Variants in ASNS observed in about 807,000 individuals in gnomAD.
ASNS encodes asparagine synthetase (glutamine-hydrolyzing).
In ASNS, 37 loss-of-function variants were observed where a neutral mutation model predicts 62.6. The ratio of observed to expected loss-of-function variants is 0.59; its 90% CI spans 0.45 to 0.78. The LOEUF is 0.78. Among genes scored for constraint, ASNS ranks in the 30% least tolerant of loss-of-function variants. The probability of loss-of-function intolerance (pLI) is 0.00; values close to 1 mark genes in which losing one functional copy is unlikely to be tolerated. For missense variants in ASNS, 520 were observed against 682.4 expected (o/e 0.76, Z 2.65); for synonymous variants, 207 against 237.9 (o/e 0.87, Z 1.19).
At chr7:97,888,426 C>T in the ASNS span, among the ~76,000 whole-genome samples, 1 of 150,850 alleles carries the variant, frequency 6.6e-6, no homozygotes, top group Non-Finnish European at 1.5e-5. Flanking sequence ...AGGGCCAAAT[C>T]TGGCCCTCTG....
chr7:97,896,741 C>CACATATATATATATATATATATATATAT, the ASNS span, among the ~76,000 whole-genome samples: 4 of 19,778 alleles, frequency 2.0e-4, no homozygotes, highest in Non-Finnish European at 5.1e-4. Flanking sequence ...CACACACACA[C>CACATATATATATATATATATATATATAT]ATATATATAT....
the ASNS span, among the ~76,000 whole-genome samples, chr7:97,904,336 C>T: frequency 7.3e-6 from 1 of 137,232 alleles, no homozygotes; most frequent in Non-Finnish European, 1.6e-5. Context: ...AGAAATTCCA[C>T]CATGATTGGT....
At chr7:97,908,197 T>G in the ASNS span, 1 of 152,176 alleles carries the variant, frequency 6.6e-6, no homozygotes, top group Non-Finnish European at 1.5e-5. Flanking sequence ...AAACGTGATT[T>G]TAAATATATA....
At chr7:97,911,743 G>C in the ASNS span, among the ~76,000 whole-genome samples, 1 of 152,086 alleles carries the variant, frequency 6.6e-6, no homozygotes, top group Non-Finnish European at 1.5e-5. Flanking sequence ...AGGAAATCAA[G>C]ACAAAGTACA....
chr7:97,858,127 A>C, intron 7 of ASNS, 151 bp downstream of exon 7: 1 of 1,054,422 alleles, frequency 9.5e-7, no homozygotes, highest in Non-Finnish European at 1.3e-6. Context: ...CATATCCAAC[A>C]GCCATTTCAT....
chr7:97,881,084 G>A, the ASNS span, among the ~76,000 whole-genome samples: 3 of 152,156 alleles, frequency 2.0e-5, no homozygotes, highest in African/African-American at 7.2e-5. Flanking sequence ...GGGGTTACAG[G>A]TGTGCACCGC....
chr7:97,918,100 G>C, the ASNS span, among the ~76,000 whole-genome samples: 5,508 of 152,188 alleles, frequency 0.036, 189 homozygotes, highest in African/African-American at 0.091. Flanking sequence ...GGGCTGGGGG[G>C]ACTGTGGGGT....
the ASNS span, among the ~76,000 whole-genome samples, chr7:97,895,553 G>T: frequency 1.8e-4 from 28 of 152,336 alleles, no homozygotes; most frequent in South Asian, 5.4e-3. Context: ...CAGCACTTTG[G>T]GAGGCCAAGG....
chr7:97,902,438 G>A, the ASNS span, among the ~76,000 whole-genome samples: 15 of 152,156 alleles, frequency 9.9e-5, no homozygotes, highest in Admixed American at 8.5e-4. Flanking sequence ...CTGGCCAGAC[G>A]CAGTGGCTCA....
chr7:97,891,699 CA>C, the ASNS span, among the ~76,000 whole-genome samples: 1 of 147,164 alleles, frequency 6.8e-6, no homozygotes, highest in Non-Finnish European at 1.5e-5. Context: ...CTCAAAGCTC[CA>C]AAATGATCTC....
the ASNS span, among the ~76,000 whole-genome samples, chr7:97,927,724 G>A: frequency 1.3e-5 from 2 of 152,262 alleles, no homozygotes; most frequent in South Asian, 4.1e-4. Context: ...GATCGGCCCT[G>A]GAAAACCTTC....
chr7:97,886,776 C>T, the ASNS span, among the ~76,000 whole-genome samples: 3 of 152,098 alleles, frequency 2.0e-5, no homozygotes, highest in African/African-American at 7.2e-5. Context: ...GACACAAAGA[C>T]CTTTTGGTTT....
At chr7:97,866,560 G>A (rs1252329744) in intron 3 of ASNS, among the ~76,000 whole-genome samples, 2 of 152,200 alleles carry the variant, frequency 1.3e-5, no homozygotes, top group Admixed American at 6.5e-5. Flanking sequence ...AAAAGTCCTT[G>A]ATGTATTCCT....
At chr7:97,883,025 G>A in the ASNS span, among the ~76,000 whole-genome samples, 1 of 152,188 alleles carries the variant, frequency 6.6e-6, no homozygotes, top group Admixed American at 6.5e-5. Flanking sequence ...GAAGCAAGCT[G>A]GGAGTCAACC....
At chr7:97,899,945 G>T in the ASNS span, among the ~76,000 whole-genome samples, 44 of 152,200 alleles carry the variant, frequency 2.9e-4, no homozygotes, top group Non-Finnish European at 5.1e-4. Context: ...CTCCAAGGAA[G>T]ACATACAAGT....
At chr7:97,878,490 G>C in the ASNS span, among the ~76,000 whole-genome samples, 2 of 152,098 alleles carry the variant, frequency 1.3e-5, no homozygotes, top group Non-Finnish European at 2.9e-5. Flanking sequence ...ACAAGCATTC[G>C]TATACACCAA....
chr7:97,868,879 A>T (rs1169406470), intron 3 of ASNS, 29 bp downstream of exon 3: 2 of 1,609,936 alleles, frequency 1.2e-6, no homozygotes, highest in East Asian at 2.2e-5. Flanking sequence ...GTTTAATCGC[A>T]TCCAGACATC....
At chr7:97,874,932 G>A (rs1792407581), upstream of ASNS, among the ~76,000 whole-genome samples, 2 of 150,634 alleles carry the variant, frequency 1.3e-5, no homozygotes, top group Non-Finnish European at 3.0e-5. Context: ...CTAATGATCT[G>A]TTTATTTTAA....
chr7:97,882,499 G>A, the ASNS span, among the ~76,000 whole-genome samples: 1 of 151,850 alleles, frequency 6.6e-6, no homozygotes, highest in Non-Finnish European at 1.5e-5. Flanking sequence ...AGTGAGCCGA[G>A]ATCGCATCAC....
Sources: gnomAD v4.1 joint callset for allele counts (sites outside exome capture counted in the v4.1 genomes callset) on GRCh38, gnomAD v4.1.1 for gene constraint, MANE v1.5 for transcripts, NCBI Gene and HGNC (gene_info 2026-07-23, HGNC 2026-07-21) for gene names.